Variants in ARHGAP24 observed in about 807,000 individuals in gnomAD.
The protein encoded by ARHGAP24 is Rho GTPase activating protein 24.
Under a neutral mutation model 76.4 loss-of-function variants are expected in ARHGAP24, and 50 were observed. That is an observed-to-expected ratio of 0.65 (90% CI 0.52 to 0.83). The LOEUF (loss-of-function observed/expected upper bound fraction) is 0.83. Ranked by LOEUF, ARHGAP24 falls within the 40% of genes least tolerant of loss-of-function variation. The pLI is 0.00. For missense variants in ARHGAP24, 930 were observed against 914.2 expected, an observed-to-expected ratio of 1.02 and a Z score of -0.22; for synonymous variants, 345 against 323.3, an observed-to-expected ratio of 1.07 and a Z score of -0.72.
chr4:85,787,937 G>A (rs182256278), intron 3 of ARHGAP24, among the ~76,000 whole-genome samples: 1 of 152,156 alleles, frequency 6.6e-6, no homozygotes, highest in Non-Finnish European at 1.5e-5. Flanking sequence ...TTAGTGCCCT[G>A]CATAGTGCCA....
intron 2 of ARHGAP24, among the ~76,000 whole-genome samples, chr4:85,597,254 T>G (rs996619567): frequency 2.0e-5 from 3 of 152,082 alleles, no homozygotes; most frequent in Non-Finnish European, 4.4e-5. Context: ...AAAGATAAAT[T>G]TATTGATTTT....
At chr4:85,893,982 G>A (rs1475293674) in intron 3 of ARHGAP24, among the ~76,000 whole-genome samples, 6 of 145,184 alleles carry the variant, frequency 4.1e-5, no homozygotes, top group Admixed American at 1.4e-4. Context: ...ATAGCATTGG[G>A]AGATATACCT....
chr4:85,823,367 C>T (rs1729564335), intron 3 of ARHGAP24, among the ~76,000 whole-genome samples: 1 of 152,158 alleles, frequency 6.6e-6, no homozygotes, highest in African/African-American at 2.4e-5. Context: ...ACACAGTCCT[C>T]TAATTTCAGT....
At chr4:85,871,021 T>C (rs141482476) in intron 3 of ARHGAP24, among the ~76,000 whole-genome samples, 1 of 152,234 alleles carries the variant, frequency 6.6e-6, no homozygotes, top group East Asian at 1.9e-4. Flanking sequence ...ATGAGATTAG[T>C]CTTGTTATTC....
At chr4:85,576,390 A>G (rs541947462) in intron 2 of ARHGAP24, among the ~76,000 whole-genome samples, 1 of 152,058 alleles carries the variant, frequency 6.6e-6, no homozygotes, top group South Asian at 2.1e-4. Flanking sequence ...AGATCGCGCC[A>G]CTGCACTCCA....
chr4:85,637,283 G>A (rs1721342262), intron 2 of ARHGAP24, among the ~76,000 whole-genome samples: 1 of 152,064 alleles, frequency 6.6e-6, no homozygotes. Flanking sequence ...AAGCTGACAT[G>A]AGCCAAGGTT....
intron 1 of ARHGAP24, among the ~76,000 whole-genome samples, chr4:85,518,062 G>A (rs1238542500): frequency 6.6e-6 from 1 of 152,240 alleles, no homozygotes; most frequent in East Asian, 1.9e-4. Context: ...TAAGGCCATT[G>A]AAGTTAGGAC....
At chr4:85,590,514 C>T (rs1175540805) in intron 2 of ARHGAP24, among the ~76,000 whole-genome samples, 1 of 151,816 alleles carries the variant, frequency 6.6e-6, no homozygotes, top group Non-Finnish European at 1.5e-5. Flanking sequence ...TGCATGCCAC[C>T]ACGCCTAGTT....
intron 3 of ARHGAP24, among the ~76,000 whole-genome samples, chr4:85,830,710 GGTTTTTTGGAGAGAAGAAACCTGGA>G: frequency 6.6e-6 from 1 of 152,100 alleles, no homozygotes. Flanking sequence ...ATTAGGCCTC[GGTTTTTTGGAGAGAAGAAACCTGGA>G]GAGCAGGGTA....
intron 3 of ARHGAP24, among the ~76,000 whole-genome samples, chr4:85,803,415 C>T (rs1728657672): frequency 6.6e-6 from 1 of 152,210 alleles, no homozygotes; most frequent in Non-Finnish European, 1.5e-5. Flanking sequence ...CCTTCCAGGG[C>T]GTCTTCCCTA....
chr4:85,923,752 T>C lies in ARHGAP24; in HGVS notation c.373T>C (p.Trp125Arg), dbSNP rs1439153341. The C allele has an allele frequency of 1.9e-6, 3 of 1,613,988 alleles. No homozygotes were observed. Among genetic ancestry groups the C allele is most frequent in the East Asian group, 2.2e-5 (1 of 44,866 alleles). The change falls in exon 4 of 10, where the codon TGG becomes CGG. Residue 125 changes from tryptophan to arginine, a missense_variant. Transcript: ENST00000395184. ...DWVKSIRRVI[W>R]GPFGGGIFGQ... ...GGTGAAGTCAATCCGCCGAGTCATA[T>C]GGGGACCTTTCGGAGGAGGTGAGTG... is the stretch of plus-strand genomic sequence containing the variant.
At chr4:85,903,770 G>A (rs1036390767) in intron 3 of ARHGAP24, among the ~76,000 whole-genome samples, 1 of 152,034 alleles carries the variant, frequency 6.6e-6, no homozygotes, top group Non-Finnish European at 1.5e-5. Flanking sequence ...ATTTTTATGT[G>A]CACTGCAGAC....
intron 2 of ARHGAP24, among the ~76,000 whole-genome samples, chr4:85,685,379 T>C (rs1723378526): frequency 6.6e-6 from 1 of 152,016 alleles, no homozygotes; most frequent in Non-Finnish European, 1.5e-5. Flanking sequence ...ACGCCTGTAA[T>C]CCCAGCACTT....
At chr4:85,813,866 T>G (rs1399142725) in intron 3 of ARHGAP24, among the ~76,000 whole-genome samples, 2 of 147,150 alleles carry the variant, frequency 1.4e-5, no homozygotes, top group African/African-American at 2.5e-5. Context: ...CATGTATTAG[T>G]CCATTTTCAT....
chr4:85,967,390 C>A (rs1738681047), intron 5 of ARHGAP24, among the ~76,000 whole-genome samples: 1 of 152,056 alleles, frequency 6.6e-6, no homozygotes, highest in South Asian at 2.1e-4. Context: ...TCAGGAACTA[C>A]TTGTTGAGTG....
At chr4:85,947,881 T>C (rs1737382815) in intron 5 of ARHGAP24, among the ~76,000 whole-genome samples, 1 of 152,152 alleles carries the variant, frequency 6.6e-6, no homozygotes, top group Non-Finnish European at 1.5e-5. Context: ...AATTACATAA[T>C]GATAAATGGA....
At chr4:85,802,353 A>G (rs1241848458) in intron 3 of ARHGAP24, among the ~76,000 whole-genome samples, 12 of 152,228 alleles carry the variant, frequency 7.9e-5, no homozygotes, top group Non-Finnish European at 1.8e-4. Context: ...AATGCCAGAA[A>G]GAGTTTTGAG....
At chr4:85,658,236 T>C (rs1722245038) in intron 2 of ARHGAP24, among the ~76,000 whole-genome samples, 1 of 152,204 alleles carries the variant, frequency 6.6e-6, no homozygotes. Context: ...TTTGGGACCC[T>C]GGGATCTGCC....
intron 2 of ARHGAP24, among the ~76,000 whole-genome samples, chr4:85,586,511 G>C (rs1727866231): frequency 6.6e-6 from 1 of 152,276 alleles, no homozygotes; most frequent in South Asian, 2.1e-4. Context: ...AATGAAGCTT[G>C]AATATCTACG....
Sources: gnomAD v4.1 joint callset for allele counts (sites outside exome capture counted in the v4.1 genomes callset) on GRCh38, gnomAD v4.1.1 for gene constraint, MANE v1.5 for transcripts, NCBI Gene and HGNC (gene_info 2026-07-23, HGNC 2026-07-21) for gene names.